SKIL: variants seen among roughly 807,000 people sequenced by gnomAD.
SKIL encodes the protein SKI like proto-oncogene, also known as ski-like protein.
A neutral mutation model predicts 69.6 loss-of-function variants in SKIL; 20 were observed. That is an observed-to-expected ratio of 0.29 (90% CI 0.20 to 0.42). SKIL has a LOEUF of 0.42. SKIL is among the 10% of genes least tolerant of loss of function. The pLI, the probability that SKIL is intolerant of heterozygous loss-of-function variation, is 1.00. For synonymous variants in SKIL, 310 were observed against 279.9 expected, an observed-to-expected ratio of 1.11 and a Z score of -1.08; for missense variants, 745 against 783.1, an observed-to-expected ratio of 0.95 and a Z score of 0.58.
At chr3:170,361,939 T>C (rs1736261695) in intron 2 of SKIL, among the ~76,000 whole-genome samples, 1 of 152,118 alleles carries the variant, frequency 6.6e-6, no homozygotes, top group Non-Finnish European at 1.5e-5. Flanking sequence ...GACCACTACA[T>C]CTGTTGTTTT....
intron 2 of SKIL, among the ~76,000 whole-genome samples, chr3:170,376,267 G>A (rs960677715): frequency 6.6e-5 from 10 of 151,352 alleles, no homozygotes; most frequent in African/African-American, 1.9e-4. Flanking sequence ...GGCTGGTTTC[G>A]AACTCCGGAC....
rs781376763 is a variant in SKIL at position 170,384,564 on chromosome 3, G to T, written c.1228G>T (p.Ala410Ser). Residue 410 changes from alanine (A) to serine (S), a missense_variant, in exon 4 of 7, where the codon GCC becomes TCC. Transcript: ENST00000259119. ...YYLYMCDKVV[A>S]PNVSLTSAVS... Reference sequence around the variant, plus strand: ...CTTATACATGTGTGATAAAGTGGTTGCCCCAAATGTGTCACTTACTTCTGC... The same window carrying T: ...CTTATACATGTGTGATAAAGTGGTTTCCCCAAATGTGTCACTTACTTCTGC... 6.2e-7 allele frequency: 1 copy of T among 1,607,112 alleles called. No individual in the cohort carries two copies. The highest frequency in any genetic ancestry group is 1.1e-5 in the South Asian group (1 of 90,162).
chr3:170,367,950 T>G (rs1282572201), intron 2 of SKIL, among the ~76,000 whole-genome samples: 2 of 152,218 alleles, frequency 1.3e-5, no homozygotes, highest in African/African-American at 4.8e-5. Context: ...GAGAGTTTAA[T>G]TTTGCATTTT....
intron 2 of SKIL, among the ~76,000 whole-genome samples, chr3:170,377,725 T>C (rs1021336010): frequency 6.7e-6 from 1 of 150,258 alleles, no homozygotes; most frequent in East Asian, 2.0e-4. Flanking sequence ...ATTTTTTTTT[T>C]TTGTATTTTT....
Position 170,361,064 on chromosome 3 carries a change from G to A in SKIL, c.733G>A (p.Val245Ile), listed in dbSNP as rs751656201. 3 of 1,614,160 alleles carry A rather than the reference G, an allele frequency of 1.9e-6. No individual in the cohort carries two copies. Among genetic ancestry groups the A allele is most frequent in the Admixed American group, 1.7e-5 (1 of 60,008 alleles). Residue 245 changes from valine (V) to isoleucine (I), a missense_variant, in exon 2 of 7, where the codon GTA (valine) becomes ATA (isoleucine). Coordinates refer to ENST00000259119, the MANE Select transcript of SKIL (RefSeq NM_005414.5). ...RPRTFPQNGS[V>I]LPAKSSLAQL... ...ACGAACTTTTCCTCAAAATGGTAGC[G>A]TACTTCCTGCTAAAAGCTCATTGGC...
intron 2 of SKIL, among the ~76,000 whole-genome samples, chr3:170,364,879 G>A (rs1240573876): frequency 6.6e-6 from 1 of 152,156 alleles, no homozygotes; most frequent in Non-Finnish European, 1.5e-5. Context: ...TTAGGAAGGT[G>A]TGAGTTTCTT....
At position 170,392,467 on chromosome 3, in the gene SKIL, T is replaced by C; in HGVS notation, c.*50T>C. The C allele has an allele frequency of 1.6e-6, 2 of 1,243,276 alleles. No homozygotes were observed. The highest frequency in any genetic ancestry group is 2.2e-6 in the Non-Finnish European group (2 of 905,156). The allele number at this position is 1,243,276 out of a possible 1,614,324, so 77.0% of individuals were successfully genotyped here. A position where few individuals can be genotyped will look rare whatever the true frequency, so the allele number is the denominator to read the frequency against. ...GTATTACTGACAAGGTTTTTTTTGT[T>C]TGTTGCTTGCTTTGGTAATTGAATT... On this transcript the variant is annotated 3_prime_UTR_variant, in exon 7 of 7. Coordinates refer to ENST00000259119, the MANE Select transcript of SKIL (RefSeq NM_005414.5).
Position 170,391,188 on chromosome 3 carries a change from G to A in SKIL, c.1824G>A (p.Glu608=), listed in dbSNP as rs1737896121. 1 of 1,612,942 alleles carries A rather than the reference G, an allele frequency of 6.2e-7. No individual in the cohort carries two copies. The highest frequency in any genetic ancestry group is 8.5e-7 in the Non-Finnish European group (1 of 1,179,078). The change falls in exon 6 of 7, where the codon GAG becomes GAA. Residue 608 remains glutamate, a synonymous_variant. Transcript: ENST00000259119. ...VEQKDLEKKL[E]QIMKQKCTCD... ...AGAAAGACTTAGAGAAAAAATTGGA[G>A]CAGATAATGAAGCAAAAATGTACCT... is the stretch of plus-strand genomic sequence containing the variant.
At chr3:170,378,431 T>A (rs1027764140) in intron 2 of SKIL, among the ~76,000 whole-genome samples, 1 of 152,222 alleles carries the variant, frequency 6.6e-6, no homozygotes, top group African/African-American at 2.4e-5. Context: ...CTGCTTAACA[T>A]CCAGAGATCT....
rs902885523 is a variant in SKIL, at chr3:170,393,913, A to G, written c.*1496A>G. 2.9e-4 allele frequency: 44 copies of G among 152,176 alleles called. No homozygotes were observed. The highest frequency in any genetic ancestry group is 3.4e-3 in the Middle Eastern group (1 of 294). 9.4% of individuals were successfully genotyped at this position (152,176 alleles called of 1,614,324 possible). A position where few individuals can be genotyped will look rare whatever the true frequency, so the allele number is the denominator to read the frequency against. On this transcript the variant is annotated 3_prime_UTR_variant, in exon 7 of 7. Transcript: ENST00000259119. ...TCACTAGGTTGTCATTTAACCAGTTATTTTCATATTTTGCTTAATAGTACA... is the reference window on the plus strand; with the variant it reads ...TCACTAGGTTGTCATTTAACCAGTTGTTTTCATATTTTGCTTAATAGTACA...
At chr3:170,375,273 C>T (rs1226750890) in intron 2 of SKIL, among the ~76,000 whole-genome samples, 1 of 152,102 alleles carries the variant, frequency 6.6e-6, no homozygotes, top group Non-Finnish European at 1.5e-5. Flanking sequence ...AGAATAGGAG[C>T]TAAGAGGGAT....
At chr3:170,361,811 T>A (rs973648417) in intron 2 of SKIL, among the ~76,000 whole-genome samples, 1 of 151,104 alleles carries the variant, frequency 6.6e-6, no homozygotes, top group Non-Finnish European at 1.5e-5. Context: ...GGTCTTGAAC[T>A]CCTGACCGCG....
intron 1 of SKIL, 112 bp from the exon 2 acceptor site, chr3:170,359,587 C>T (rs1406944462): frequency 8.8e-6 from 1 of 114,144 alleles, no homozygotes; most frequent in Non-Finnish European, 1.9e-5. Flanking sequence ...AGCGAGACTC[C>T]GTAAAAAAAA....
At chr3:170,376,839 G>A (rs1737057857) in intron 2 of SKIL, among the ~76,000 whole-genome samples, 1 of 152,168 alleles carries the variant, frequency 6.6e-6, no homozygotes, top group African/African-American at 2.4e-5. Context: ...GCCTCCCAAA[G>A]TGCTAGGTAA....
intron 2 of SKIL, among the ~76,000 whole-genome samples, chr3:170,370,257 A>T (rs568367760): frequency 8.5e-5 from 13 of 152,224 alleles, no homozygotes; most frequent in African/African-American, 2.6e-4. Context: ...AAAATAAAAT[A>T]AAATGTGGTT....
In SKIL at chr3:170,392,365, TAA is replaced by T. The variant is rs750716769; in HGVS notation, c.2006_2007del (p.Lys669ArgfsTer14). On this transcript the variant is annotated frameshift_variant, in exon 7 of 7. Coordinates refer to ENST00000259119, the MANE Select transcript of SKIL (RefSeq NM_005414.5). LOFTEE classifies it high-confidence loss of function. The stretch of plus-strand genomic sequence containing the variant: ...GCAAGACAGAAGTTAGAGATGATGA[TAA>T]AAGAGCTAAAGCTGCAAATTCTGAA... 5 of 1,612,140 alleles carry T rather than the reference TAA, an allele frequency of 3.1e-6. No homozygotes were observed. The highest frequency in any genetic ancestry group is 4.2e-6 in the Non-Finnish European group (5 of 1,178,570).
Position 170,394,875 on chromosome 3 carries a change from T to C in SKIL, c.*2458T>C, listed in dbSNP as rs1738113560. 6.6e-6 allele frequency: 1 copy of C among 152,198 alleles called. No individual in the cohort carries two copies. The highest frequency in any genetic ancestry group is 6.5e-5 in the Admixed American group (1 of 15,276). 9.4% of individuals were successfully genotyped at this position (152,198 alleles called of 1,614,324 possible). On this transcript the variant is annotated 3_prime_UTR_variant, in exon 7 of 7. Transcript: ENST00000259119. ...AAGTGGAGTTGGCTAAAATACCTTATCCATATAAAACTTATTCTATTCTTT... is the reference window on the plus strand; with the variant it reads ...AAGTGGAGTTGGCTAAAATACCTTACCCATATAAAACTTATTCTATTCTTT...
chr3:170,391,026 T>C lies in SKIL; in HGVS notation c.1672-10T>C, dbSNP rs761545066. 1.9e-5 allele frequency: 26 copies of C among 1,388,572 alleles called. No individual in the cohort carries two copies. Among genetic ancestry groups the C allele is most frequent in the African/African-American group, 2.9e-5 (2 of 69,170 alleles). 86.0% of individuals were successfully genotyped at this position (1,388,572 alleles called of 1,614,324 possible). ...AAGTAAAACTTGTATTGTGATTCTT[T>C]ACATTACAGGAAGTAAAAATGTTGA... On this transcript the variant is annotated splice_polypyrimidine_tract_variant and intron_variant, in intron 5 of 6. Coordinates refer to ENST00000259119, the MANE Select transcript of SKIL (RefSeq NM_005414.5).
intron 2 of SKIL, among the ~76,000 whole-genome samples, chr3:170,362,814 CAAAA>C (rs1254337885): frequency 8.0e-6 from 1 of 125,444 alleles, no homozygotes; most frequent in Non-Finnish European, 1.7e-5. Context: ...GACTCCATTT[CAAAA>C]AAAAAAAACA....
Sources: allele counts gnomAD v4.1 joint callset (sites outside exome capture counted in the v4.1 genomes callset), GRCh38; gene constraint gnomAD v4.1.1; transcripts MANE v1.5; gene names NCBI Gene and HGNC (gene_info 2026-07-23, HGNC 2026-07-21).